The following VEGFA variants were observed in gnomAD, a reference collection of about 807,000 sequenced individuals.
The protein encoded by VEGFA is vascular endothelial growth factor A, long form.
Under a neutral mutation model 49.7 loss-of-function variants are expected in VEGFA, and 20 were observed. That is an observed-to-expected ratio of 0.40 (90% CI 0.28 to 0.58). VEGFA has a LOEUF of 0.58. VEGFA is among the 20% of genes least tolerant of loss of function. The pLI, the probability that VEGFA is intolerant of heterozygous loss-of-function variation, is 0.40. For missense variants in VEGFA, 505 were observed against 553.5 expected, an observed-to-expected ratio of 0.91 and a Z score of 0.88; for synonymous variants, 219 against 223.4, an observed-to-expected ratio of 0.98 and a Z score of 0.18.
At chr6:43,775,078 C>T (rs1343936882) in intron 2 of VEGFA, 1 of 154,736 alleles carries the variant, frequency 6.5e-6, no homozygotes, top group African/African-American at 2.4e-5. Context: ...GTGCTCTCCA[C>T]CTCTGGGGAG....
intron 5 of VEGFA, chr6:43,779,472 C>T (rs890220438): frequency 4.0e-5 from 14 of 352,874 alleles, no homozygotes; most frequent in Middle Eastern, 9.0e-4. Context: ...GTGAGTGCTC[C>T]GTGTTAAGGG....
intron 3 of VEGFA, chr6:43,778,181 G>A: frequency 1.8e-6 from 1 of 550,346 alleles, no homozygotes; most frequent in Non-Finnish European, 3.3e-6. Context: ...GGGATGGGGA[G>A]TGGTAAGAAC....
rs540841861 is a variant in VEGFA at position 43,785,851 on chromosome 6, G to GT, written c.*1297dup. On this transcript the variant is annotated 3_prime_UTR_variant, in exon 8 of 8. Coordinates refer to ENST00000672860, the MANE Select transcript of VEGFA (RefSeq NM_003376.6). ...ACAGTTAATTTAATTAAAGAGTAGG[G>GT]TTTTTTTTCAGTATTCTTGGTTAAT... The GT allele has an allele frequency of 1.7e-4, 31 of 185,820 alleles. 1 individual carries two copies. In the South Asian group the frequency reaches 3.3e-3, roughly 20 times the overall value. The allele number at this position is 185,820 out of a possible 1,614,324, so 11.5% of individuals were successfully genotyped here.
At chr6:43,782,287 C>T in intron 7 of VEGFA, 200 bp downstream of exon 7, 1 of 795,402 alleles carries the variant, frequency 1.3e-6, no homozygotes, top group Non-Finnish European at 2.0e-6. Flanking sequence ...AGGCACTGGT[C>T]CAGCCTGGCG....
At chr6:43,778,559 A>T in intron 4 of VEGFA, 23 bp downstream of exon 4, 1 of 1,610,860 alleles carries the variant, frequency 6.2e-7, no homozygotes, top group Non-Finnish European at 8.5e-7. Flanking sequence ...TCACGGATTC[A>T]TTATCAGCAA....
intron 3 of VEGFA, 136 bp from the exon 4 acceptor site, chr6:43,778,324 G>T: frequency 1.3e-6 from 1 of 762,060 alleles, no homozygotes; most frequent in Non-Finnish European, 2.3e-6. Flanking sequence ...TAGAGCTCTT[G>T]GTCCTCCCTG....
intron 5 of VEGFA, chr6:43,780,081 C>T (rs1306823992): frequency 9.4e-6 from 2 of 213,742 alleles, no homozygotes; most frequent in Non-Finnish European, 1.9e-5. Context: ...TGCTGCCTGC[C>T]CAGGGCTCCA....
At chr6:43,780,667 T>G in intron 5 of VEGFA, 65 bp from the exon 6 acceptor site, 2 of 1,557,568 alleles carry the variant, frequency 1.3e-6, no homozygotes, top group Non-Finnish European at 8.8e-7. Flanking sequence ...CTGCCCACCT[T>G]ACCACTTCTT....
At chr6:43,778,748 A>G in intron 4 of VEGFA, 141 bp from the exon 5 acceptor site, 1 of 1,049,328 alleles carries the variant, frequency 9.5e-7, no homozygotes, top group Non-Finnish European at 1.5e-6. Context: ...TAAACAAGTT[A>G]TATATGAAAA....
Position 43,784,782 on chromosome 6 carries a change from G to A in VEGFA, c.*220G>A, listed in dbSNP as rs543089337. The A allele has an allele frequency of 4.1e-4, 330 of 803,466 alleles. No individual in the cohort carries two copies. Among genetic ancestry groups the A allele is most frequent in the South Asian group, 1.0e-3 (69 of 68,546 alleles). 49.8% of individuals were successfully genotyped at this position (803,466 alleles called of 1,614,324 possible). On this transcript the variant is annotated 3_prime_UTR_variant, in exon 8 of 8. Transcript: ENST00000672860. Reference sequence around the variant, plus strand: ...GCGAGACTCCGGCGGAAGCATTCCCGGGCGGGTGACCCAGCACGGTCCCTC... The same window carrying A: ...GCGAGACTCCGGCGGAAGCATTCCCAGGCGGGTGACCCAGCACGGTCCCTC...
intron 5 of VEGFA, chr6:43,779,691 A>C: frequency 2.1e-6 from 1 of 469,852 alleles, no homozygotes; most frequent in South Asian, 1.5e-5. Context: ...CTCTTCCCTC[A>C]GCTCCCAGCT....
chr6:43,773,002 G>C lies in VEGFA; in HGVS notation c.607-1339G>C, dbSNP rs1439578247. Among the ~76,000 whole-genome samples the C allele has an allele frequency of 6.6e-6, 1 of 152,176 alleles. No individual in the cohort carries two copies. The highest frequency in any genetic ancestry group is 1.5e-5 in the Non-Finnish European group (1 of 68,034). On this transcript the variant is annotated intron_variant, in intron 1 of 7. Coordinates refer to ENST00000672860, the MANE Select transcript of VEGFA (RefSeq NM_003376.6). This position sits in a 1 kb window ranked among gnomAD's most constrained non-coding sequence, Gnocchi z 5.6. ...CTTTCCTCCTTGGGGCCCAGGAGGA[G>C]TGGAGGGTCCCGGGAGAATATTGTC...
At chr6:43,774,980 G>A (rs1029251666) in intron 2 of VEGFA, 25 of 166,992 alleles carry the variant, frequency 1.5e-4, no homozygotes, top group Non-Finnish European at 2.9e-4. Context: ...GCCCAACCCC[G>A]AGTCCGCCTG....
chr6:43,773,477 T>A lies in VEGFA; in HGVS notation c.607-864T>A, dbSNP rs908044643. On this transcript the variant is annotated intron_variant, in intron 1 of 7. Coordinates refer to ENST00000672860, the MANE Select transcript of VEGFA (RefSeq NM_003376.6). This position sits in a 1 kb window ranked among gnomAD's most constrained non-coding sequence, Gnocchi z 5.6. ...ATGATCTGATGCGGGTGGGGAGGGT[T>A]AGAGGAGGCCTCAGGCCTAAGGTGG... The A allele has an allele frequency of 1.3e-5, 2 of 152,120 alleles. No homozygotes were observed. Among genetic ancestry groups the A allele is most frequent in the African/African-American group, 4.8e-5 (2 of 41,380 alleles). 9.4% of individuals were successfully genotyped at this position (152,120 alleles called of 1,614,324 possible).
At chr6:43,780,285 C>G (rs1183569405) in intron 5 of VEGFA, 1 of 279,078 alleles carries the variant, frequency 3.6e-6, no homozygotes, top group Non-Finnish European at 7.0e-6. Context: ...AGGCAGGTCT[C>G]TGACCTTCTC....
chr6:43,780,258 A>C, intron 5 of VEGFA: 9 of 241,744 alleles, frequency 3.7e-5, no homozygotes, highest in South Asian at 1.1e-4. Flanking sequence ...CCTCCCTCCC[A>C]CTCCTGCTCC....
chr6:43,780,217 G>T, intron 5 of VEGFA: 1 of 196,586 alleles, frequency 5.1e-6, no homozygotes, highest in South Asian at 7.8e-5. Context: ...TGTCGCAGTT[G>T]CAAATGAAGG....
rs1244863525 is a variant in VEGFA, at chr6:43,777,233, C to T, written c.659-236C>T. On this transcript the variant is annotated intron_variant, in intron 2 of 7. Transcript: ENST00000672860. The surrounding 1 kb of genome is among the most constrained non-coding windows in gnomAD (Gnocchi z 4.3). ...GGATCAGATGTGGCAGGCCATGTCC[C>T]TTGGAACTTGAGTACATCGTGTGAT... The T allele has an allele frequency of 1.7e-6, 1 of 600,486 alleles. No homozygotes were observed. The highest frequency in any genetic ancestry group is 3.1e-6 in the Non-Finnish European group (1 of 327,560). 37.2% of individuals were successfully genotyped at this position (600,486 alleles called of 1,614,324 possible).
chr6:43,771,004 G>A lies in VEGFA; in HGVS notation c.298G>A (p.Glu100Lys), dbSNP rs1561979918. Residue 100 changes from glutamate (E) to lysine (K), a missense_variant, in exon 1 of 8, where the codon GAG (glutamate) becomes AAG (lysine). Physicochemically the swap from Glu to Lys is moderately conservative, Grantham distance 56 (BLOSUM62 1). Coordinates refer to ENST00000672860, the MANE Select transcript of VEGFA (RefSeq NM_003376.6). Reference sequence around the variant, plus strand: ...GCCGGAGGAGGGGGAGGAGGAAGAAGAGAAGGAAGAGGAGAGGGGGCCGCA... The same window carrying A: ...GCCGGAGGAGGGGGAGGAGGAAGAAAAGAAGGAAGAGGAGAGGGGGCCGCA... 13 of 1,541,324 alleles carry A rather than the reference G, an allele frequency of 8.4e-6. No homozygotes were observed. Among genetic ancestry groups the A allele is most frequent in the Non-Finnish European group, 1.0e-5 (12 of 1,144,122 alleles).
Sources: allele counts gnomAD v4.1 joint callset (sites outside exome capture counted in the v4.1 genomes callset), GRCh38; gene constraint gnomAD v4.1.1; non-coding constraint Gnocchi (gnomAD v3.1); transcripts MANE v1.5; gene names NCBI Gene and HGNC (gene_info 2026-07-23, HGNC 2026-07-21).